RAB33A: variants seen among roughly 807,000 people sequenced by gnomAD.
The protein encoded by RAB33A is RAB33A, member RAS oncogene family.
A neutral mutation model predicts 12.0 loss-of-function variants in RAB33A; 6 were observed. The observed-to-expected ratio is 0.50, with a 90% CI of 0.27 to 0.99. The LOEUF is 0.99. Among genes scored for constraint, RAB33A ranks in the 50% least tolerant of loss-of-function variants. The probability of loss-of-function intolerance (pLI) is 0.11; values close to 1 mark genes in which losing one functional copy is unlikely to be tolerated. For synonymous variants in RAB33A, 70 were observed against 82.4 expected, an observed-to-expected ratio of 0.85 and a Z score of 0.81; for missense variants, 109 against 192.0, an observed-to-expected ratio of 0.57 and a Z score of 2.55.
intron 1 of RAB33A, 76 bp from the exon 2 acceptor site, chrX:130,184,209 G>A (rs1437956343): frequency 1.0e-6 from 1 of 972,741 alleles, no homozygotes; most frequent in African/African-American, 1.9e-5. Context: ...TTTTTATAGT[G>A]CTACAGAACC....
At chrX:130,170,208 C>G (rs1359216036), upstream of RAB33A, among the ~76,000 whole-genome samples, 1 of 112,578 alleles carries the variant, frequency 8.9e-6, no homozygotes. Context: ...CTGGAAGATG[C>G]CATTCTGAGT....
At chrX:130,146,122 TATATTA>T in the RAB33A span, among the ~76,000 whole-genome samples, 5 of 111,699 alleles carry the variant, frequency 4.5e-5, no homozygotes, top group Non-Finnish European at 7.5e-5. Context: ...TCAACTATGA[TATATTA>T]ATATTAATTA....
chrX:130,112,733 G>A, the RAB33A span, among the ~76,000 whole-genome samples: 3 of 110,600 alleles, frequency 2.7e-5, no homozygotes, highest in South Asian at 1.2e-3. Flanking sequence ...CGGTGTGGTG[G>A]TGCATGCCTG....
chrX:130,167,616 G>A (rs528674234), upstream of RAB33A, among the ~76,000 whole-genome samples: 140 of 112,474 alleles, frequency 1.2e-3, 1 homozygote, highest in South Asian at 0.013. Context: ...CATGGCATGC[G>A]CCTGTAATCC....
upstream of RAB33A, chrX:130,171,942 ACACACACACGCGCG>A (rs2031612348): frequency 2.4e-6 from 2 of 820,063 alleles, no homozygotes; most frequent in Admixed American, 4.1e-5. Flanking sequence ...ACGGGCGGAC[ACACACACACGCGCG>A]CACACACACA....
chrX:130,137,214 C>T, the RAB33A span: 5 of 1,208,230 alleles, frequency 4.1e-6, no homozygotes, highest in Admixed American at 2.2e-5. Flanking sequence ...GTAGTTACAG[C>T]AGGAAGCAAA....
the RAB33A span, among the ~76,000 whole-genome samples, chrX:130,113,991 G>T: frequency 8.9e-6 from 1 of 112,061 alleles, no homozygotes; most frequent in Non-Finnish European, 1.9e-5. Context: ...GCTCTCTTAG[G>T]TGTCATGTTC....
the RAB33A span, among the ~76,000 whole-genome samples, chrX:130,153,158 C>A: frequency 3.3e-5 from 3 of 92,043 alleles, no homozygotes; most frequent in African/African-American, 4.2e-5. Flanking sequence ...CACAGTGAAA[C>A]CCCGTCTCTA....
the RAB33A span, among the ~76,000 whole-genome samples, chrX:130,143,905 T>C: frequency 9.0e-6 from 1 of 111,243 alleles, no homozygotes; most frequent in East Asian, 2.8e-4. Flanking sequence ...GGCTCTGGAA[T>C]CAGAATAGCT....
chrX:130,129,901 G>A, the RAB33A span: 5 of 1,166,265 alleles, frequency 4.3e-6, no homozygotes, highest in East Asian at 8.9e-5. Flanking sequence ...CAGGGCACCC[G>A]ATGAAGTTAC....
At chrX:130,144,991 C>G in the RAB33A span, among the ~76,000 whole-genome samples, 1 of 111,974 alleles carries the variant, frequency 8.9e-6, no homozygotes, top group African/African-American at 3.2e-5. Context: ...AGTTTACACA[C>G]ACACTCTAGT....
the RAB33A span, among the ~76,000 whole-genome samples, chrX:130,117,550 C>G: frequency 1.4e-3 from 158 of 111,237 alleles, no homozygotes; most frequent in Non-Finnish European, 2.1e-3. Flanking sequence ...TGGAAAGACA[C>G]AAACCTGTGG....
At chrX:130,168,872 G>C (rs971433673), upstream of RAB33A, among the ~76,000 whole-genome samples, 1 of 110,596 alleles carries the variant, frequency 9.0e-6, no homozygotes, top group Non-Finnish European at 1.9e-5. Flanking sequence ...TTGGGAGGCC[G>C]AGGAGGGTGG....
chrX:130,163,279 T>A, the RAB33A span, among the ~76,000 whole-genome samples: 1 of 95,635 alleles, frequency 1.0e-5, no homozygotes, highest in East Asian at 3.2e-4. Flanking sequence ...CACTGCACTC[T>A]GGGAAACTGA....
the RAB33A span, among the ~76,000 whole-genome samples, chrX:130,160,883 A>AAAATAAATAAAT: frequency 2.6e-3 from 282 of 107,063 alleles, no homozygotes; most frequent in African/African-American, 7.7e-3. Context: ...TCTCTACTTA[A>AAAATAAATAAAT]AAATAAATAA....
chrX:130,146,849 G>A, the RAB33A span, among the ~76,000 whole-genome samples: 7 of 111,987 alleles, frequency 6.3e-5, no homozygotes, highest in Non-Finnish European at 3.8e-5. Context: ...TGCTCTTGTA[G>A]GACATGTCTA....
intron 1 of RAB33A, 132 bp downstream of exon 1, chrX:130,172,452 C>T (rs1275168419): frequency 3.5e-6 from 3 of 848,809 alleles, no homozygotes; most frequent in East Asian, 6.9e-5. Context: ...CGAGGACCCT[C>T]GGCTCCTCCT....
chrX:130,131,684 C>T, the RAB33A span: 1 of 1,212,081 alleles, frequency 8.3e-7, no homozygotes, highest in South Asian at 1.8e-5. Context: ...CCTGACTGCT[C>T]TGTGGCAGAT....
chrX:130,148,534 A>AT, the RAB33A span, among the ~76,000 whole-genome samples: 1 of 111,708 alleles, frequency 9.0e-6, no homozygotes, highest in Middle Eastern at 4.6e-3. Flanking sequence ...GAATTTCCTC[A>AT]TTTAAAAAAC....
Sources: allele counts gnomAD v4.1 joint callset (sites outside exome capture counted in the v4.1 genomes callset), GRCh38; gene constraint gnomAD v4.1.1; transcripts MANE v1.5; gene names NCBI Gene and HGNC (gene_info 2026-07-23, HGNC 2026-07-21).